The following KIAA0040 variants were observed in gnomAD, a reference collection of about 807,000 sequenced individuals.
KIAA0040 encodes the protein uncharacterized protein KIAA0040.
Under a neutral mutation model 7.2 loss-of-function variants are expected in KIAA0040, and 10 were observed. The ratio of observed to expected loss-of-function variants is 1.38; its 90% confidence interval spans 0.85 to 2.34. The LOEUF (loss-of-function observed/expected upper bound fraction) is 2.34, where lower values mean the gene tolerates loss of function less well. Among genes scored for constraint, KIAA0040 ranks in the 30% most tolerant of loss-of-function variants. The probability of loss-of-function intolerance (pLI) is 0.00; values close to 1 mark genes in which losing one functional copy is unlikely to be tolerated. For missense variants in KIAA0040, 89 were observed against 108.2 expected (o/e 0.82, Z 0.79); for synonymous variants, 49 against 40.1 (o/e 1.22, Z -0.84).
chr1:175,175,777 C>T (rs928420071), intron 2 of KIAA0040, among the ~76,000 whole-genome samples: 25 of 151,784 alleles, frequency 1.6e-4, no homozygotes, highest in Admixed American at 8.5e-4. Context: ...ATTGCAAGGA[C>T]AAAAAACCAA....
chr1:175,170,113 G>A (rs1018013862), intron 2 of KIAA0040, among the ~76,000 whole-genome samples: 3 of 152,154 alleles, frequency 2.0e-5, no homozygotes, highest in African/African-American at 4.8e-5. Context: ...AGGACCAAGC[G>A]TGCACAGCGC....
chr1:175,184,647 C>G (rs1677584483), intron 1 of KIAA0040, among the ~76,000 whole-genome samples: 1 of 152,200 alleles, frequency 6.6e-6, no homozygotes, highest in Admixed American at 6.5e-5. Context: ...TAAGTGGCAA[C>G]TGTGTGCCAG....
Position 175,181,889 on chromosome 1 carries a change from C to T in KIAA0040, c.-383-4205G>A, listed in dbSNP as rs993278455. ...GAGAAAGAATCCAGTCAAAGTGGCC[C>T]GTGCTCCAACTCAGCTCTAGAGGCC... On this transcript the variant is annotated intron_variant, in intron 1 of 3. Transcript: ENST00000423313. Among the ~76,000 whole-genome samples the T allele has an allele frequency of 3.3e-5, 5 of 152,304 alleles. No individual in the cohort carries two copies. In the East Asian group the frequency reaches 5.8e-4, roughly 18 times the overall value.
chr1:175,192,820 C>CGCCCCGCCCG (rs1553333407), upstream of KIAA0040: 1 of 143,444 alleles, frequency 7.0e-6, no homozygotes, highest in African/African-American at 2.6e-5. Context: ...GGGAGCCGCC[C>CGCCCCGCCCG]GCCCCGCCCC....
chr1:175,178,483 G>C (rs962462037), intron 1 of KIAA0040, among the ~76,000 whole-genome samples: 2 of 152,164 alleles, frequency 1.3e-5, no homozygotes, highest in African/African-American at 4.8e-5. Context: ...AATAACAATT[G>C]TTTGCATCAA....
At chr1:175,172,572 TA>T (rs1351413283) in intron 2 of KIAA0040, among the ~76,000 whole-genome samples, 1 of 152,194 alleles carries the variant, frequency 6.6e-6, no homozygotes, top group Non-Finnish European at 1.5e-5. Flanking sequence ...ACTTTGTCTC[TA>T]AAATAAAAAA....
intron 2 of KIAA0040, among the ~76,000 whole-genome samples, chr1:175,168,565 T>C (rs1676864722): frequency 6.6e-6 from 1 of 152,216 alleles, no homozygotes; most frequent in Non-Finnish European, 1.5e-5. Context: ...AATGATGCTT[T>C]ATCATGTAAA....
In KIAA0040 at chr1:175,159,439, C is replaced by T. The variant is rs966212277; in HGVS notation, c.*1275G>A. ...GGTATTACAAGCTTACCCTTAACAA[C>T]ATCACATATCCAACAGTAACCACAG... On this transcript the variant is annotated 3_prime_UTR_variant, in exon 4 of 4. Transcript: ENST00000423313. 1.3e-5 allele frequency: 2 copies of T among 152,270 alleles called. No individual in the cohort carries two copies. Among genetic ancestry groups the T allele is most frequent in the African/African-American group, 4.8e-5 (2 of 41,468 alleles). 9.4% of individuals were successfully genotyped at this position (152,270 alleles called of 1,614,324 possible).
At position 175,183,646 on chromosome 1, in the gene KIAA0040, C is replaced by A. The variant is rs1037531643; in HGVS notation, c.-383-5962G>T. 4.6e-5 allele frequency among the ~76,000 whole-genome samples: 7 copies of A among 152,314 alleles called. No individual in the cohort carries two copies. The South Asian group carries it at 1.5e-3, about 32-fold the overall frequency. On this transcript the variant is annotated intron_variant, in intron 1 of 3. Transcript: ENST00000423313. ...GTAAGTTGGTCGGACATCTGGGGAG[C>A]CAGCCGAACAAGGGTGAAGCAGGAC...
At chr1:175,183,550 C>G (rs1677530186) in intron 1 of KIAA0040, among the ~76,000 whole-genome samples, 1 of 152,204 alleles carries the variant, frequency 6.6e-6, no homozygotes, top group Non-Finnish European at 1.5e-5. Flanking sequence ...CTGGGCAGAG[C>G]AGGAAGGCCT....
At chr1:175,169,550 T>C (rs1032125506) in intron 2 of KIAA0040, among the ~76,000 whole-genome samples, 2 of 152,200 alleles carry the variant, frequency 1.3e-5, no homozygotes, top group Non-Finnish European at 2.9e-5. Flanking sequence ...AAACAGCCCT[T>C]GACTCCTTAG....
In KIAA0040 at chr1:175,158,213, G is replaced by C. The variant is rs1676368824; in HGVS notation, c.*2501C>G. ...AGGGGAGTCTGTGATGGGGAAAAGA[G>C]AGGCCCCATTCTGGGTTTGGCTCTT... On this transcript the variant is annotated 3_prime_UTR_variant, in exon 4 of 4. Transcript: ENST00000423313. 1 of 152,392 alleles carries C rather than the reference G, an allele frequency of 6.6e-6. No homozygotes were observed. The highest frequency in any genetic ancestry group is 2.4e-5 in the African/African-American group (1 of 41,456). 9.4% of individuals were successfully genotyped at this position (152,392 alleles called of 1,614,324 possible).
chr1:175,162,675 A>G (rs1461062836), intron 3 of KIAA0040, among the ~76,000 whole-genome samples: 1 of 152,162 alleles, frequency 6.6e-6, no homozygotes, highest in Admixed American at 6.5e-5. Context: ...ATGATGCCCC[A>G]GCAATTGTCC....
rs34859478 is a variant in KIAA0040 at position 175,176,669 on chromosome 1, C to CTTTTTTTTTTTTTTTTTTTTTTTTTTTT, written c.-310+914_-310+941dup. ...ATCCAGTGTCAGGTTAAGTAGCATG[C>CTTTTTTTTTTTTTTTTTTTTTTTTTTTT]TTTTTTTTTTTTTTTTTTTTTTTTT... is the stretch of plus-strand genomic sequence containing the variant. On this transcript the variant is annotated intron_variant, in intron 2 of 3. Coordinates refer to ENST00000423313, the MANE Select transcript of KIAA0040 (RefSeq NM_014656.3). 3.6e-4 allele frequency among the ~76,000 whole-genome samples: 10 copies of CTTTTTTTTTTTTTTTTTTTTTTTTTTTT among 27,466 alleles called. 5 individuals carry two copies. The highest frequency in any genetic ancestry group is 1.8e-3 in the Admixed American group (2 of 1,126). The allele number at this position is 27,466 out of a possible 152,430, so 18.0% of individuals were successfully genotyped here.
intron 2 of KIAA0040, among the ~76,000 whole-genome samples, chr1:175,175,015 G>C (rs984562433): frequency 4.6e-5 from 7 of 152,166 alleles, no homozygotes; most frequent in Non-Finnish European, 1.0e-4. Flanking sequence ...GCCAGAAGCC[G>C]AGGCTCTGAG....
In KIAA0040 at chr1:175,159,600, C is replaced by CAGGTACGGTA. The variant is rs1340008557; in HGVS notation, c.*1113_*1114insTACCGTACCT. Reference sequence around the variant, plus strand: ...CATCCCACCTGTGCCATACCGTGCACACATCACAACCTTATGACATCACTT... The same window carrying CAGGTACGGTA: ...CATCCCACCTGTGCCATACCGTGCACAGGTACGGTAACATCACAACCTTATGACATCACTT... On this transcript the variant is annotated 3_prime_UTR_variant, in exon 4 of 4. Coordinates refer to ENST00000423313, the MANE Select transcript of KIAA0040 (RefSeq NM_014656.3). The CAGGTACGGTA allele has an allele frequency of 6.6e-6, 1 of 152,308 alleles. No individual in the cohort carries two copies. Among genetic ancestry groups the CAGGTACGGTA allele is most frequent in the Non-Finnish European group, 1.5e-5 (1 of 68,058 alleles). The allele number at this position is 152,308 out of a possible 1,614,324, so 9.4% of individuals were successfully genotyped here. A position where few individuals can be genotyped will look rare whatever the true frequency, so the allele number is the denominator to read the frequency against.
In KIAA0040 at chr1:175,164,411, T is replaced by C. The variant is rs79147401; in HGVS notation, c.-134+2151A>G. ...GATAGATCAAGTCATAAAAGCCAAG[T>C]ACAATAAGCAAATTCCAAACTAGAT... On this transcript the variant is annotated intron_variant, in intron 3 of 3. Coordinates refer to ENST00000423313, the MANE Select transcript of KIAA0040 (RefSeq NM_014656.3). Among the ~76,000 whole-genome samples, 298 of 152,320 alleles carry C rather than the reference T, an allele frequency of 2.0e-3. 1 individual carries two copies. The highest frequency in any genetic ancestry group is 6.9e-3 in the African/African-American group (287 of 41,568).
chr1:175,168,437 G>A (rs984822639), intron 2 of KIAA0040, among the ~76,000 whole-genome samples: 5 of 151,884 alleles, frequency 3.3e-5, no homozygotes, highest in African/African-American at 4.8e-5. Context: ...CAGTATTAAA[G>A]GAAAATAGAT....
At position 175,158,953 on chromosome 1, in the gene KIAA0040, T is replaced by C. The variant is rs1676410164; in HGVS notation, c.*1761A>G. 1 of 152,188 alleles carries C rather than the reference T, an allele frequency of 6.6e-6. No homozygotes were observed. Among genetic ancestry groups the C allele is most frequent in the Admixed American group, 6.5e-5 (1 of 15,276 alleles). 9.4% of individuals were successfully genotyped at this position (152,188 alleles called of 1,614,324 possible). On this transcript the variant is annotated 3_prime_UTR_variant, in exon 4 of 4. Transcript: ENST00000423313. ...GTACCAAGCAGCCCAAGTGAGCAAA[T>C]AGAATATATCTTTCCTTTAATGCAA...
Sources: allele counts gnomAD v4.1 joint callset (sites outside exome capture counted in the v4.1 genomes callset), GRCh38; gene constraint gnomAD v4.1.1; transcripts MANE v1.5; gene names NCBI Gene and HGNC (gene_info 2026-07-23, HGNC 2026-07-21).